KNDC1: variants seen among roughly 807,000 people sequenced by gnomAD.
KNDC1 encodes the protein kinase non-catalytic C-lobe domain containing 1, also known as kinase non-catalytic C-lobe domain-containing protein 1.
Under a neutral mutation model 172.8 loss-of-function variants are expected in KNDC1, and 106 were observed. That is an observed-to-expected ratio of 0.61 (90% CI 0.52 to 0.72). KNDC1 has a LOEUF of 0.72. Among genes scored for constraint, KNDC1 ranks in the 30% least tolerant of loss-of-function variants. The probability of loss-of-function intolerance (pLI) is 0.00; values close to 1 mark genes in which losing one functional copy is unlikely to be tolerated. For missense variants in KNDC1, 2,325 were observed against 2,394.5 expected (o/e 0.97, Z 0.61); for synonymous variants, 1,083 against 1,062.2 (o/e 1.02, Z -0.38).
Position 133,201,852 on chromosome 10 carries a change from TG to T in KNDC1, c.3345del (p.Arg1116GlyfsTer21). 6.7e-7 allele frequency: 1 copy of T among 1,482,872 alleles called. No individual in the cohort carries two copies. 91.9% of individuals were successfully genotyped at this position (1,482,872 alleles called of 1,614,324 possible). On this transcript the variant is annotated frameshift_variant, in exon 17 of 30. Transcript: ENST00000304613. LOFTEE classifies it high-confidence loss of function. ...GACGTCCACAACTACGTGAAGGACC[TG>T]GGGCGGCAGCAGGCGGACGGGGCCC... ...GADVHNYVKD[L>X]GRQQADGALP...
chr10:133,185,054 C>T (rs68100130), intron 5 of KNDC1, among the ~76,000 whole-genome samples: 59,151 of 152,286 alleles, frequency 0.39, 13,317 homozygotes, highest in South Asian at 0.65. Flanking sequence ...GGCCTCAGGA[C>T]GGTAGCCAGG....
At position 133,206,864 on chromosome 10, in the gene KNDC1, G is replaced by C; in HGVS notation, c.3490G>C (p.Val1164Leu). ...CTCTGCTCCACCCACAGGTTCCGAC[G>C]TCAAGACCATGCTGTCCAAGCTGAA... The part of the protein sequence containing the change: ...QKEKRNKGSD[V>L]KTMLSKLKGQ... The change falls in exon 19 of 30, where the codon GTC becomes CTC. Residue 1164 changes from valine to leucine, a missense_variant. Transcript: ENST00000304613. 2.5e-6 allele frequency: 4 copies of C among 1,614,118 alleles called. No homozygotes were observed. Among genetic ancestry groups the C allele is most frequent in the Non-Finnish European group, 3.4e-6 (4 of 1,180,002 alleles).
At chr10:133,206,632 G>C (rs1845200627) in intron 17 of KNDC1, 53 bp from the exon 18 acceptor site, 3 of 1,479,882 alleles carry the variant, frequency 2.0e-6, no homozygotes, top group Non-Finnish European at 9.4e-7. Flanking sequence ...CCCTGGATGT[G>C]GCTGACGTGT....
chr10:133,225,828 C>G lies in KNDC1; in HGVS notation c.*938C>G, dbSNP rs1396504174. On this transcript the variant is annotated 3_prime_UTR_variant, in exon 30 of 30. Transcript: ENST00000304613. ...AGGAAGTGCGCTGCCTCCACGGCCC[C>G]TTGCCCTTGCTCAGGTTCTTGGACC... 6.5e-6 allele frequency: 1 copy of G among 152,674 alleles called. No homozygotes were observed. The highest frequency in any genetic ancestry group is 6.5e-5 in the Admixed American group (1 of 15,298). 9.5% of individuals were successfully genotyped at this position (152,674 alleles called of 1,614,324 possible). A position where few individuals can be genotyped will look rare whatever the true frequency, so the allele number is the denominator to read the frequency against.
chr10:133,161,012 C>G (rs542953767), intron 1 of KNDC1, among the ~76,000 whole-genome samples: 1 of 152,036 alleles, frequency 6.6e-6, no homozygotes, highest in African/African-American at 2.4e-5. Flanking sequence ...GGATGACTGC[C>G]CCCCGAGACT....
Position 133,183,975 on chromosome 10 carries a change from T to TTGGAG in KNDC1, c.611_612insTGGAG (p.Leu207GlufsTer63), listed in dbSNP as rs1853802561. 1 of 1,587,884 alleles carries TTGGAG rather than the reference T, an allele frequency of 6.3e-7. No homozygotes were observed. Among genetic ancestry groups the TTGGAG allele is most frequent in the Non-Finnish European group, 8.6e-7 (1 of 1,161,890 alleles). ...AGGAGGGTCCTCTCCATCGAGTCCT[T>TTGGAG]CGGAGCGCTGCAGGGTGAGTTCTTG... On this transcript the variant is annotated frameshift_variant, in exon 5 of 30. Transcript: ENST00000304613. LOFTEE classifies it high-confidence loss of function.
At chr10:133,167,296 G>A (rs772314070) in intron 1 of KNDC1, 85 bp from the exon 2 acceptor site, 63 of 1,359,232 alleles carry the variant, frequency 4.6e-5, no homozygotes, top group Middle Eastern at 2.2e-4. Context: ...CGAGTCGTCC[G>A]TTTCCCCAGG....
chr10:133,195,873 G>A, intron 10 of KNDC1, 52 bp downstream of exon 10: 2 of 1,439,868 alleles, frequency 1.4e-6, no homozygotes, highest in Non-Finnish European at 1.8e-6. Context: ...ACTGTGGGCA[G>A]TGGCCGCCCT....
chr10:133,199,381 C>T (rs1292373932), intron 14 of KNDC1, 77 bp from the exon 15 acceptor site: 35 of 1,579,178 alleles, frequency 2.2e-5, no homozygotes, highest in Non-Finnish European at 3.0e-5. Context: ...CAGCCTTGTC[C>T]GTTTCATCAG....
chr10:133,219,196 T>G lies in KNDC1; in HGVS notation c.4860+106T>G, dbSNP rs981717440. The stretch of plus-strand genomic sequence containing the variant: ...ACCCAGACGCAGGCACCACAGAGTG[T>G]GTGCAGGTGGCCCAGCCAGGGTGGC... On this transcript the variant is annotated intron_variant, in intron 28 of 29. Coordinates refer to ENST00000304613, the MANE Select transcript of KNDC1 (RefSeq NM_152643.8). The G allele has an allele frequency of 4.3e-6, 6 of 1,381,024 alleles. No homozygotes were observed. In the African/African-American group the frequency reaches 8.6e-5, roughly 20 times the overall value. 85.5% of individuals were successfully genotyped at this position (1,381,024 alleles called of 1,614,324 possible). A position where few individuals can be genotyped will look rare whatever the true frequency, so the allele number is the denominator to read the frequency against.
chr10:133,160,652 C>A, intron 1 of KNDC1, 83 bp downstream of exon 1: 1 of 887,718 alleles, frequency 1.1e-6, no homozygotes. Flanking sequence ...CCGGGAGGGG[C>A]TGTGAGCTCC....
intron 20 of KNDC1, among the ~76,000 whole-genome samples, chr10:133,207,600 G>A (rs1257245646): frequency 3.3e-5 from 5 of 152,236 alleles, no homozygotes; most frequent in African/African-American, 1.2e-4. Flanking sequence ...GGTCCCCGGA[G>A]GTGCTGCGGA....
Position 133,219,107 on chromosome 10 carries a change from T to A in KNDC1, c.4860+17T>A. 6.2e-7 allele frequency: 1 copy of A among 1,611,430 alleles called. No individual in the cohort carries two copies. On this transcript the variant is annotated intron_variant, in intron 28 of 29. Coordinates refer to ENST00000304613, the MANE Select transcript of KNDC1 (RefSeq NM_152643.8). ...GCCGTGGAGGTACCAGCACTTTACG[T>A]GGCCGGGCGGCTTTGGTCCCCCGAG... is the stretch of plus-strand genomic sequence containing the variant.
intron 23 of KNDC1, 125 bp downstream of exon 23, chr10:133,211,983 ACATG>A (rs1845376582): frequency 1.2e-6 from 1 of 842,494 alleles, no homozygotes; most frequent in Non-Finnish European, 1.8e-6. Context: ...ACAGCTGTAT[ACATG>A]CATACACATA....
At chr10:133,212,481 T>C (rs1845388642) in intron 23 of KNDC1, among the ~76,000 whole-genome samples, 1 of 152,160 alleles carries the variant, frequency 6.6e-6, no homozygotes, top group Non-Finnish European at 1.5e-5. Flanking sequence ...AAATGCCCTC[T>C]CCATTAAACC....
rs1002741583 is a variant in KNDC1, at chr10:133,195,819, A to C, written c.1732A>C (p.Lys578Gln). The C allele has an allele frequency of 1.7e-5, 26 of 1,555,354 alleles. No homozygotes were observed. The highest frequency in any genetic ancestry group is 7.7e-5 in the Admixed American group (4 of 52,184). The part of the protein sequence containing the change: ...PERPSAAEAI[K>Q]VCGSYLLQRG... ...GCGGCCGTCCGCGGCTGAGGCCATC[A>C]AGGTAACCACACCACAGTCATGGCC... Residue 578 changes from lysine (K) to glutamine (Q), a missense_variant and splice_region_variant, in exon 10 of 30, where the codon AAG becomes CAG. Physicochemically the swap from Lys to Gln is moderately conservative, Grantham distance 53 (BLOSUM62 1). Transcript: ENST00000304613.
chr10:133,199,053 G>A lies in KNDC1; in HGVS notation c.2545G>A (p.Ala849Thr), dbSNP rs1251138165. ...GGGCCAGGAGCCAGAGGGCCCCGGGGCCACCCCTGCCGGGGAACGTGATGA... is the reference window on the plus strand; with the variant it reads ...GGGCCAGGAGCCAGAGGGCCCCGGGACCACCCCTGCCGGGGAACGTGATGA... ...RPGQEPEGPG[A>T]TPAGERDDQS... Residue 849 changes from alanine (A) to threonine (T), a missense_variant, in exon 14 of 30, where the codon GCC becomes ACC. Physicochemically the swap from Ala to Thr is moderately conservative, Grantham distance 58. Coordinates refer to ENST00000304613, the MANE Select transcript of KNDC1 (RefSeq NM_152643.8). The A allele has an allele frequency of 1.3e-6, 2 of 1,595,716 alleles. No homozygotes were observed. Among genetic ancestry groups the A allele is most frequent in the Non-Finnish European group, 8.5e-7 (1 of 1,172,386 alleles).
chr10:133,177,694 A>G (rs926758143), intron 3 of KNDC1, among the ~76,000 whole-genome samples: 4 of 151,926 alleles, frequency 2.6e-5, no homozygotes, highest in Non-Finnish European at 5.9e-5. Flanking sequence ...ACATGTGTGT[A>G]ATGTGTGTGT....
At chr10:133,176,382 C>A (rs746443544) in intron 3 of KNDC1, among the ~76,000 whole-genome samples, 1 of 152,048 alleles carries the variant, frequency 6.6e-6, no homozygotes, top group South Asian at 2.1e-4. Context: ...AATGAATACC[C>A]TGGCTTTCCG....
Sources: allele counts gnomAD v4.1 joint callset (sites outside exome capture counted in the v4.1 genomes callset), GRCh38; gene constraint gnomAD v4.1.1; transcripts MANE v1.5; gene names NCBI Gene and HGNC (gene_info 2026-07-23, HGNC 2026-07-21).